Variants in DCDC1 observed in about 807,000 individuals in gnomAD.
DCDC1 encodes doublecortin domain containing 1.
Under a neutral mutation model 178.3 loss-of-function variants are expected in DCDC1, and 200 were observed. That is an observed-to-expected ratio of 1.12 (90% CI 1.00 to 1.26). The LOEUF is 1.26. DCDC1 is among the 50% of genes most tolerant of loss of function. The probability of loss-of-function intolerance (pLI) is 0.00; values close to 1 mark genes in which losing one functional copy is unlikely to be tolerated. For synonymous variants in DCDC1, 690 were observed against 604.8 expected (o/e 1.14, Z -2.07); for missense variants, 1,983 against 1,749.2 (o/e 1.13, Z -2.38).
intron 9 of DCDC1, among the ~76,000 whole-genome samples, chr11:31,164,221 G>C (rs1486824741): frequency 6.6e-6 from 1 of 152,038 alleles, no homozygotes; most frequent in Non-Finnish European, 1.5e-5. Flanking sequence ...CATGTAAAAT[G>C]GTGGTCCCAC....
intron 8 of DCDC1, among the ~76,000 whole-genome samples, chr11:31,263,460 C>A (rs1944930928): frequency 6.6e-6 from 1 of 152,060 alleles, no homozygotes; most frequent in Non-Finnish European, 1.5e-5. Context: ...AATAACCTTA[C>A]CTAATCCTTC....
intron 9 of DCDC1, among the ~76,000 whole-genome samples, chr11:31,148,395 A>G (rs909104045): frequency 6.6e-6 from 1 of 151,830 alleles, no homozygotes. Flanking sequence ...AAAAATACAA[A>G]AAACTAGCCA....
chr11:31,220,345 T>G (rs1974112760), intron 9 of DCDC1, among the ~76,000 whole-genome samples: 1 of 152,224 alleles, frequency 6.6e-6, no homozygotes, highest in Non-Finnish European at 1.5e-5. Context: ...TACTTAATAC[T>G]AAATGTTTCA....
intron 20 of DCDC1, among the ~76,000 whole-genome samples, chr11:30,991,841 G>A (rs1353740151): frequency 2.0e-5 from 3 of 152,082 alleles, no homozygotes; most frequent in Non-Finnish European, 4.4e-5. Context: ...ATAAGACAAA[G>A]AGAAAACAGC....
intron 9 of DCDC1, chr11:31,215,401 T>C (rs1376240653): frequency 6.6e-6 from 1 of 152,282 alleles, no homozygotes; most frequent in Non-Finnish European, 1.5e-5. Flanking sequence ...TAGGTGTTTA[T>C]GTCATGTGTA....
At chr11:31,042,546 T>C (rs1954532771) in intron 20 of DCDC1, among the ~76,000 whole-genome samples, 1 of 152,136 alleles carries the variant, frequency 6.6e-6, no homozygotes, top group African/African-American at 2.4e-5. Context: ...CCCTAAAGCA[T>C]AGTTTGAATA....
intron 8 of DCDC1, among the ~76,000 whole-genome samples, chr11:31,248,242 TC>T (rs2136954857): frequency 6.6e-6 from 1 of 152,144 alleles, no homozygotes; most frequent in African/African-American, 2.4e-5. Flanking sequence ...TATATTACTA[TC>T]CCAAAAAGTT....
intron 3 of DCDC1, among the ~76,000 whole-genome samples, chr11:31,324,640 C>G (rs1209833257): frequency 6.6e-6 from 1 of 152,144 alleles, no homozygotes; most frequent in African/African-American, 2.4e-5. Flanking sequence ...GTTTTCTTCT[C>G]ACTCCCTTCT....
In DCDC1 at chr11:30,925,334, A is replaced by C. The variant is rs1946525312; in HGVS notation, c.2972T>G (p.Leu991Ter). 2 of 1,613,794 alleles carry C rather than the reference A, an allele frequency of 1.2e-6. No homozygotes were observed. The highest frequency in any genetic ancestry group is 4.5e-5 in the East Asian group (2 of 44,864). The change falls in exon 23 of 39, where the codon TTA (leucine) becomes TGA (stop). Residue 991 changes from leucine (L) to a stop codon, truncating the protein, a stop_gained. Transcript: ENST00000684477. LOFTEE classifies it high-confidence loss of function. Reference protein sequence around the residue: ...YNEKGKEIFALKDLQRDELVY... With the variant: ...YNEKGKEIFA The stretch of plus-strand genomic sequence containing the variant: ...CAGTTCATCTCTTTGCAGGTCTTTT[A>C]AGGCAAATATTTCCTTCCCCTTTTC...
At chr11:31,350,954 A>T (rs1203029714) in intron 1 of DCDC1, among the ~76,000 whole-genome samples, 1 of 152,070 alleles carries the variant, frequency 6.6e-6, no homozygotes, top group Non-Finnish European at 1.5e-5. Flanking sequence ...TGTAGCTAAC[A>T]TTAAATATTT....
At chr11:31,291,203 C>T (rs1370315437) in intron 6 of DCDC1, among the ~76,000 whole-genome samples, 1 of 151,990 alleles carries the variant, frequency 6.6e-6, no homozygotes, top group Admixed American at 6.6e-5. Flanking sequence ...GTGTCCTTTG[C>T]TTACTATAAA....
intron 9 of DCDC1, among the ~76,000 whole-genome samples, chr11:31,208,914 T>C (rs1972174666): frequency 6.6e-6 from 1 of 152,222 alleles, no homozygotes; most frequent in African/African-American, 2.4e-5. Context: ...ATGTTCTTGA[T>C]AGCATCCAAC....
At position 31,310,308 on chromosome 11, in the gene DCDC1, A is replaced by ATTTTTTTTTT. The variant is rs11407483; in HGVS notation, c.165-2410_165-2401dup. ...GAGGACAGGTTTTCAGTAATTCTTG[A>ATTTTTTTTTT]TTTTTTTTTTTTTTTTTTTTTTTTT... On this transcript the variant is annotated intron_variant, in intron 3 of 38. Transcript: ENST00000684477. Among the ~76,000 whole-genome samples, 14 of 53,876 alleles carry ATTTTTTTTTT rather than the reference A, an allele frequency of 2.6e-4. 2 individuals are homozygous for ATTTTTTTTTT. Among genetic ancestry groups the ATTTTTTTTTT allele is most frequent in the African/African-American group, 7.7e-4 (9 of 11,726 alleles). 35.3% of individuals were successfully genotyped at this position (53,876 alleles called of 152,430 possible).
At chr11:31,141,622 A>T (rs1963839847) in intron 9 of DCDC1, among the ~76,000 whole-genome samples, 1 of 152,252 alleles carries the variant, frequency 6.6e-6, no homozygotes, top group African/African-American at 2.4e-5. Context: ...AGATCAATAT[A>T]GGTAATACTG....
chr11:31,018,650 C>T (rs762602583), intron 20 of DCDC1, among the ~76,000 whole-genome samples: 4 of 152,068 alleles, frequency 2.6e-5, no homozygotes, highest in Non-Finnish European at 5.9e-5. Flanking sequence ...GCAAAAGCTA[C>T]CAAGAAATAT....
intron 10 of DCDC1, among the ~76,000 whole-genome samples, chr11:31,128,593 AC>A (rs1360247421): frequency 2.0e-5 from 3 of 152,126 alleles, no homozygotes; most frequent in Non-Finnish European, 4.4e-5. Flanking sequence ...AACAAATTAG[AC>A]CCATTTAGAA....
intron 20 of DCDC1, among the ~76,000 whole-genome samples, chr11:30,965,691 G>A (rs571018875): frequency 7.5e-5 from 11 of 145,738 alleles, no homozygotes; most frequent in South Asian, 2.2e-4. Flanking sequence ...ATGCTGGTGC[G>A]CTGCAGCCAC....
At chr11:31,107,989 C>T (rs1313712498) in intron 12 of DCDC1, among the ~76,000 whole-genome samples, 1 of 152,066 alleles carries the variant, frequency 6.6e-6, no homozygotes, top group Admixed American at 6.6e-5. Context: ...CTATTAATCC[C>T]CATTGAGGGT....
chr11:30,868,170 T>C (rs1036934034), intron 38 of DCDC1, among the ~76,000 whole-genome samples: 2 of 150,138 alleles, frequency 1.3e-5, no homozygotes, highest in African/African-American at 4.9e-5. Flanking sequence ...AAGGTGAAGG[T>C]GGATTTCAAA....
Sources: gnomAD v4.1 joint callset for allele counts (sites outside exome capture counted in the v4.1 genomes callset) on GRCh38, gnomAD v4.1.1 for gene constraint, MANE v1.5 for transcripts, NCBI Gene and HGNC (gene_info 2026-07-23, HGNC 2026-07-21) for gene names.